The following SPSB1 variants were observed in gnomAD, a reference collection of about 807,000 sequenced individuals.
The protein encoded by SPSB1 is splA/ryanodine receptor domain and SOCS box containing 1.
A neutral mutation model predicts 21.2 loss-of-function variants in SPSB1; 8 were observed. That is an observed-to-expected ratio of 0.38 (90% CI 0.22 to 0.68). The LOEUF (loss-of-function observed/expected upper bound fraction) is 0.68, where lower values mean the gene tolerates loss of function less well. Among genes scored for constraint, SPSB1 ranks in the 30% least tolerant of loss-of-function variants. The probability of loss-of-function intolerance (pLI) is 0.53; values close to 1 mark genes in which losing one functional copy is unlikely to be tolerated. For missense variants in SPSB1, 242 were observed against 377.8 expected, an observed-to-expected ratio of 0.64 and a Z score of 2.98; for synonymous variants, 169 against 161.7, an observed-to-expected ratio of 1.05 and a Z score of -0.34.
chr1:9,359,057 G>A (rs777967501), intron 2 of SPSB1, among the ~76,000 whole-genome samples: 10 of 152,202 alleles, frequency 6.6e-5, no homozygotes, highest in Non-Finnish European at 1.3e-4. Context: ...CAGGATTCGG[G>A]AACCGCATCT....
At chr1:9,337,287 A>G (rs1327275220) in intron 1 of SPSB1, among the ~76,000 whole-genome samples, 1 of 152,076 alleles carries the variant, frequency 6.6e-6, no homozygotes, top group Non-Finnish European at 1.5e-5. Flanking sequence ...AGAGTGGAGG[A>G]CAAGAGTTGG....
Position 9,293,990 on chromosome 1 carries a change from CTGTG to C in SPSB1, c.-150+923_-150+926del, listed in dbSNP as rs919381771. On this transcript the variant is annotated intron_variant, in intron 1 of 2. Coordinates refer to ENST00000328089, the MANE Select transcript of SPSB1 (RefSeq NM_025106.4). The surrounding 1 kb of genome is among the most constrained non-coding windows in gnomAD (Gnocchi z 5.1). ...TGTGCCTCTGAGTGTGTGTGTGAGT[CTGTG>C]TGTCTGTCAATGTGTGCCTGAGACT... Among the ~76,000 whole-genome samples, 6 of 151,180 alleles carry C rather than the reference CTGTG, an allele frequency of 4.0e-5. No individual in the cohort carries two copies. The highest frequency in any genetic ancestry group is 1.9e-4 in the East Asian group (1 of 5,142).
rs1557465391 is a variant in SPSB1, at chr1:9,356,589, A to C, written c.694+4A>C. The C allele has an allele frequency of 6.3e-7, 1 of 1,579,848 alleles. No homozygotes were observed. The highest frequency in any genetic ancestry group is 2.3e-5 in the East Asian group (1 of 44,412). On this transcript the variant is annotated splice_donor_region_variant and intron_variant, in intron 2 of 2. Coordinates refer to ENST00000328089, the MANE Select transcript of SPSB1 (RefSeq NM_025106.4). This position sits in a 1 kb window ranked among gnomAD's most constrained non-coding sequence, Gnocchi z 7.4. Reference sequence around the variant, plus strand: ...CGCTACTTGAACGGACTCGATCGTAAGTGTCTCCTCTGCTGTCAGAGGCAA... The same window carrying C: ...CGCTACTTGAACGGACTCGATCGTACGTGTCTCCTCTGCTGTCAGAGGCAA...
chr1:9,327,926 G>A (rs947342345), intron 1 of SPSB1, among the ~76,000 whole-genome samples: 1 of 152,248 alleles, frequency 6.6e-6, no homozygotes, highest in Non-Finnish European at 1.5e-5. Flanking sequence ...TTAAGAGGAC[G>A]GGCCCTAACG....
chr1:9,366,665 C>T (rs984802201), intron 2 of SPSB1, among the ~76,000 whole-genome samples: 1 of 151,794 alleles, frequency 6.6e-6, no homozygotes, highest in Non-Finnish European at 1.5e-5. Flanking sequence ...CCTCCATCTC[C>T]CAGGTTCAAG....
chr1:9,356,962 AGATG>A lies in SPSB1; in HGVS notation c.694+386_694+389del, dbSNP rs1010648383. 7.0e-6 allele frequency among the ~76,000 whole-genome samples: 1 copy of A among 143,716 alleles called. No homozygotes were observed. The highest frequency in any genetic ancestry group is 1.5e-5 in the Non-Finnish European group (1 of 67,698). 94.3% of individuals were successfully genotyped at this position (143,716 alleles called of 152,430 possible). A position where few individuals can be genotyped will look rare whatever the true frequency, so the allele number is the denominator to read the frequency against. On this transcript the variant is annotated intron_variant, in intron 2 of 2. Coordinates refer to ENST00000328089, the MANE Select transcript of SPSB1 (RefSeq NM_025106.4). The surrounding 1 kb of genome is among the most constrained non-coding windows in gnomAD (Gnocchi z 7.4). ...TTGATAGATAAGTGGTTGAACAAAC[AGATG>A]GATGGATGTGGGTGGATGGGTGGGT...
rs1457947224 is a variant in SPSB1, at chr1:9,329,702, AAC to A, written c.-149-26039_-149-26038del. Among the ~76,000 whole-genome samples the A allele has an allele frequency of 5.7e-3, 751 of 132,330 alleles. 8 individuals are homozygous for A. Among genetic ancestry groups the A allele is most frequent in the African/African-American group, 0.027 (714 of 26,470 alleles). 86.8% of individuals were successfully genotyped at this position (132,330 alleles called of 152,430 possible). A position where few individuals can be genotyped will look rare whatever the true frequency, so the allele number is the denominator to read the frequency against. On this transcript the variant is annotated intron_variant, in intron 1 of 2. Transcript: ENST00000328089. ...AGTGAGACCTCATTTCAAAAACAAC[AAC>A]AAAAAAAAAAAAAAAAAAGAGAAAA... is the stretch of plus-strand genomic sequence containing the variant.
chr1:9,365,098 G>A (rs1640546179), intron 2 of SPSB1, among the ~76,000 whole-genome samples: 1 of 152,144 alleles, frequency 6.6e-6, no homozygotes, highest in Non-Finnish European at 1.5e-5. Flanking sequence ...CTCAGGTAAT[G>A]CGCCGGCCTC....
intron 1 of SPSB1, among the ~76,000 whole-genome samples, chr1:9,352,196 A>G (rs1640270107): frequency 6.6e-6 from 1 of 152,216 alleles, no homozygotes; most frequent in African/African-American, 2.4e-5. Flanking sequence ...CTGGCATCTC[A>G]GAACTAGGAG....
intron 1 of SPSB1, among the ~76,000 whole-genome samples, chr1:9,301,037 G>A (rs1639319591): frequency 6.6e-6 from 1 of 152,236 alleles, no homozygotes; most frequent in Non-Finnish European, 1.5e-5. Context: ...ATCCTCCCTG[G>A]CAGAGCTTCG....
chr1:9,307,597 G>C (rs1210162303), intron 1 of SPSB1, among the ~76,000 whole-genome samples: 1 of 152,170 alleles, frequency 6.6e-6, no homozygotes, highest in Non-Finnish European at 1.5e-5. Context: ...AGTTGTAGAG[G>C]CCACGTGAAG....
intron 1 of SPSB1, among the ~76,000 whole-genome samples, chr1:9,304,418 T>C (rs1354417052): frequency 6.6e-6 from 1 of 152,140 alleles, no homozygotes; most frequent in East Asian, 1.9e-4. Flanking sequence ...TCCTATGGGT[T>C]TTGCATCTCT....
At chr1:9,326,743 G>A (rs971740982) in intron 1 of SPSB1, among the ~76,000 whole-genome samples, 4 of 152,186 alleles carry the variant, frequency 2.6e-5, no homozygotes, top group Admixed American at 6.5e-5. Context: ...TCCCACTGGC[G>A]GAGCAGAAAT....
chr1:9,355,451 G>A (rs1343803055), intron 1 of SPSB1, among the ~76,000 whole-genome samples: 1 of 152,242 alleles, frequency 6.6e-6, no homozygotes, highest in African/African-American at 2.4e-5. Context: ...GGTATTTGGT[G>A]GGCATCAGCC....
chr1:9,335,122 G>GT (rs1639983739), intron 1 of SPSB1, among the ~76,000 whole-genome samples: 3 of 152,078 alleles, frequency 2.0e-5, no homozygotes, highest in Admixed American at 1.3e-4. Flanking sequence ...TTGCCGTATT[G>GT]TTTTCTACAG....
intron 2 of SPSB1, among the ~76,000 whole-genome samples, chr1:9,361,010 A>T (rs1357644279): frequency 2.0e-5 from 3 of 152,140 alleles, no homozygotes; most frequent in Non-Finnish European, 4.4e-5. Context: ...AGCCCACCCA[A>T]GTCCCCCGTC....
chr1:9,340,650 C>T (rs892037222), intron 1 of SPSB1, among the ~76,000 whole-genome samples: 4 of 152,242 alleles, frequency 2.6e-5, no homozygotes, highest in African/African-American at 4.8e-5. Context: ...CCTGGGTCTG[C>T]GGTCTGAGCC....
At chr1:9,304,310 G>C (rs12127728) in intron 1 of SPSB1, among the ~76,000 whole-genome samples, 14 of 152,156 alleles carry the variant, frequency 9.2e-5, no homozygotes, top group Non-Finnish European at 1.2e-4. Flanking sequence ...GCTCCCCTGG[G>C]TCTCCAGCTT....
In SPSB1 at chr1:9,348,354, G is replaced by A. The variant is rs1422131362; in HGVS notation, c.-149-7389G>A. Among the ~76,000 whole-genome samples, 4 of 152,032 alleles carry A rather than the reference G, an allele frequency of 2.6e-5. No individual in the cohort carries two copies. The highest frequency in any genetic ancestry group is 4.8e-5 in the African/African-American group (2 of 41,396). On this transcript the variant is annotated intron_variant, in intron 1 of 2. Transcript: ENST00000328089. This position sits in a 1 kb window ranked among gnomAD's most constrained non-coding sequence, Gnocchi z 4.8. ...TGCATAATGAAAGCAAACCGTGGCT[G>A]TATCCAGAAGGCGCTCTCTGACCAC...
Sources: gnomAD v4.1 joint callset for allele counts (sites outside exome capture counted in the v4.1 genomes callset) on GRCh38, gnomAD v4.1.1 for gene constraint, Gnocchi (gnomAD v3.1) non-coding constraint, MANE v1.5 for transcripts, NCBI Gene and HGNC (gene_info 2026-07-23, HGNC 2026-07-21) for gene names.